The following ERAP1 variants were observed in gnomAD, a reference collection of about 807,000 sequenced individuals.
ERAP1 encodes the protein endoplasmic reticulum aminopeptidase 1, also known as adipocyte-derived leucine aminopeptidase.
ERAP1 carries 86 observed loss-of-function variants against 103.7 expected under a neutral mutation model. The ratio of observed to expected loss-of-function variants is 0.83; its 90% CI spans 0.70 to 0.99. The LOEUF (loss-of-function observed/expected upper bound fraction) is 0.99, where lower values mean the gene tolerates loss of function less well. Among genes scored for constraint, ERAP1 ranks in the 50% least tolerant of loss-of-function variants. The pLI, the probability that ERAP1 is intolerant of heterozygous loss-of-function variation, is 0.00. For missense variants in ERAP1, 1,009 were observed against 1,128.4 expected (o/e 0.89, Z 1.52); for synonymous variants, 398 against 402.4 (o/e 0.99, Z 0.13).
the ERAP1 span, among the ~76,000 whole-genome samples, chr5:96,923,931 G>A: frequency 1.3e-5 from 2 of 152,120 alleles, no homozygotes; most frequent in African/African-American, 2.4e-5. Context: ...GTTGGGAGAC[G>A]GGCTTGGGGA....
intron 15 of ERAP1, 67 bp from the exon 16 acceptor site, chr5:96,781,921 A>C: frequency 6.8e-7 from 1 of 1,467,524 alleles, no homozygotes; most frequent in South Asian, 1.1e-5. Context: ...CATAATGGTG[A>C]CTAACTATGA....
the ERAP1 span, among the ~76,000 whole-genome samples, chr5:96,856,394 A>AGAGAGC: frequency 1.6e-5 from 2 of 123,794 alleles, no homozygotes; most frequent in East Asian, 2.2e-4. Flanking sequence ...AGAGAGAGAG[A>AGAGAGC]GCAAATACTT....
intron 3 of ERAP1, among the ~76,000 whole-genome samples, chr5:96,797,581 G>T (rs1474808064): frequency 6.6e-6 from 1 of 152,126 alleles, no homozygotes; most frequent in African/African-American, 2.4e-5. Flanking sequence ...TGGAAGGATG[G>T]CTTGAGCCTG....
At chr5:96,771,962 A>G (rs569795908), downstream of ERAP1, 1 of 285,842 alleles carries the variant, frequency 3.5e-6, no homozygotes, top group East Asian at 6.4e-5. Flanking sequence ...GGCACTTAGA[A>G]TGACCATCTG....
At chr5:96,928,531 A>G in the ERAP1 span, among the ~76,000 whole-genome samples, 1 of 152,214 alleles carries the variant, frequency 6.6e-6, no homozygotes, top group Non-Finnish European at 1.5e-5. Context: ...ATTAGAACCT[A>G]GGAGATAGGC....
the ERAP1 span, among the ~76,000 whole-genome samples, chr5:96,866,597 G>A: frequency 6.6e-6 from 1 of 152,190 alleles, no homozygotes; most frequent in Admixed American, 6.5e-5. Flanking sequence ...AATAGCCAAT[G>A]TCATTCCCGC....
the ERAP1 span, among the ~76,000 whole-genome samples, chr5:96,854,894 T>G: frequency 6.6e-6 from 1 of 152,184 alleles, no homozygotes; most frequent in African/African-American, 2.4e-5. Context: ...ATTTTCTTTT[T>G]AACATGAGAG....
At chr5:96,924,201 T>C in the ERAP1 span, among the ~76,000 whole-genome samples, 1 of 152,208 alleles carries the variant, frequency 6.6e-6, no homozygotes, top group Non-Finnish European at 1.5e-5. Flanking sequence ...ATTGGCCCAA[T>C]AGATTGTATG....
the ERAP1 span, chr5:96,873,461 C>A: frequency 2.2e-6 from 1 of 453,540 alleles, no homozygotes; most frequent in Non-Finnish European, 4.4e-6. Context: ...TAGTTTGGGA[C>A]TGGAAAGGAA....
At chr5:96,830,643 G>A in the ERAP1 span, among the ~76,000 whole-genome samples, 6 of 152,190 alleles carry the variant, frequency 3.9e-5, no homozygotes, top group Non-Finnish European at 8.8e-5. Context: ...ATTATATATA[G>A]TGTGATACCA....
downstream of ERAP1, chr5:96,774,437 C>CT (rs1411834574): frequency 1.1e-6 from 1 of 892,158 alleles, no homozygotes; most frequent in Admixed American, 6.2e-5. Flanking sequence ...TAAAGCAGCC[C>CT]TTTTTACAGT....
At chr5:96,873,118 G>A in the ERAP1 span, among the ~76,000 whole-genome samples, 6 of 152,218 alleles carry the variant, frequency 3.9e-5, no homozygotes, top group African/African-American at 1.4e-4. Flanking sequence ...GAACCCAGGA[G>A]GCGGAGGTTG....
At chr5:96,879,275 T>A in the ERAP1 span, among the ~76,000 whole-genome samples, 1 of 152,158 alleles carries the variant, frequency 6.6e-6, no homozygotes, top group African/African-American at 2.4e-5. Context: ...GTTAAAAACA[T>A]TCAACATGCA....
At chr5:96,906,920 T>C in the ERAP1 span, among the ~76,000 whole-genome samples, 5 of 152,074 alleles carry the variant, frequency 3.3e-5, no homozygotes, top group Non-Finnish European at 7.4e-5. Flanking sequence ...CCCAGCTACT[T>C]GGGAGGCTGA....
At chr5:96,833,037 A>G in the ERAP1 span, among the ~76,000 whole-genome samples, 1 of 152,210 alleles carries the variant, frequency 6.6e-6, no homozygotes, top group African/African-American at 2.4e-5. Flanking sequence ...ATCAGTCTAC[A>G]ACCTGGAAGA....
At chr5:96,828,043 T>G in the ERAP1 span, among the ~76,000 whole-genome samples, 1 of 152,256 alleles carries the variant, frequency 6.6e-6, no homozygotes, top group South Asian at 2.1e-4. Context: ...TAGAAGTGGA[T>G]ACATTCATCT....
chr5:96,905,358 G>C, the ERAP1 span, among the ~76,000 whole-genome samples: 23 of 152,250 alleles, frequency 1.5e-4, no homozygotes, highest in Admixed American at 1.4e-3. Context: ...AGTGTGTAGG[G>C]TATTGAAATT....
At chr5:96,914,215 A>C in the ERAP1 span, among the ~76,000 whole-genome samples, 1 of 152,052 alleles carries the variant, frequency 6.6e-6, no homozygotes, top group Non-Finnish European at 1.5e-5. Flanking sequence ...TCCAAATCTA[A>C]AATGTCATTT....
chr5:96,929,298 TTCC>T, the ERAP1 span, among the ~76,000 whole-genome samples: 1 of 152,228 alleles, frequency 6.6e-6, no homozygotes, highest in Non-Finnish European at 1.5e-5. Flanking sequence ...GCAGAATTCT[TTCC>T]TCCAAGAAGG....
Sources: gnomAD v4.1 joint callset for allele counts (sites outside exome capture counted in the v4.1 genomes callset) on GRCh38, gnomAD v4.1.1 for gene constraint, MANE v1.5 for transcripts, NCBI Gene and HGNC (gene_info 2026-07-23, HGNC 2026-07-21) for gene names.